The following FOCAD variants were observed in gnomAD, a reference collection of about 807,000 sequenced individuals.
FOCAD encodes the protein KIAA1797.
FOCAD carries 198 observed loss-of-function variants against 225.6 expected under a neutral mutation model. The observed-to-expected ratio is 0.88, with a 90% CI of 0.78 to 0.99. The LOEUF (loss-of-function observed/expected upper bound fraction) is 0.99, where lower values mean the gene tolerates loss of function less well. Ranked by LOEUF, FOCAD falls within the 50% of genes least tolerant of loss-of-function variation. FOCAD has a pLI of 0.00. For synonymous variants in FOCAD, 897 were observed against 755.0 expected, an observed-to-expected ratio of 1.19 and a Z score of -3.08; for missense variants, 2,713 against 2,123.6, an observed-to-expected ratio of 1.28 and a Z score of -5.46.
intron 43 of FOCAD, among the ~76,000 whole-genome samples, chr9:20,994,621 A>G (rs1406179229): frequency 6.6e-6 from 1 of 152,246 alleles, no homozygotes; most frequent in East Asian, 1.9e-4. Flanking sequence ...TAACTCTGAT[A>G]AACCACAGAA....
intron 15 of FOCAD, among the ~76,000 whole-genome samples, chr9:20,835,884 GATTGAGCAATAGA>G (rs1259703755): frequency 6.6e-6 from 1 of 152,040 alleles, no homozygotes; most frequent in Non-Finnish European, 1.5e-5. Flanking sequence ...AGCATTGTAT[GATTGAGCAATAGA>G]TAAGGAGGAG....
intron 23 of FOCAD, among the ~76,000 whole-genome samples, chr9:20,913,740 A>C (rs1274922224): frequency 6.6e-6 from 1 of 152,196 alleles, no homozygotes; most frequent in East Asian, 1.9e-4. Context: ...ATGGCAATGA[A>C]GTTTAAAACA....
intron 4 of FOCAD, among the ~76,000 whole-genome samples, chr9:20,720,747 G>A (rs1422618764): frequency 6.6e-6 from 1 of 152,006 alleles, no homozygotes; most frequent in Non-Finnish European, 1.5e-5. Flanking sequence ...CTTAAGTTTT[G>A]GGGCTCTACT....
intron 5 of FOCAD, among the ~76,000 whole-genome samples, chr9:20,749,845 A>G (rs139341632): frequency 3.6e-4 from 55 of 152,146 alleles, no homozygotes; most frequent in Non-Finnish European, 6.9e-4. Context: ...CCTATCACAG[A>G]CTATTTTTTT....
chr9:20,773,726 G>T (rs1197516554), intron 8 of FOCAD, among the ~76,000 whole-genome samples: 1 of 152,128 alleles, frequency 6.6e-6, no homozygotes, highest in South Asian at 2.1e-4. Flanking sequence ...TCTTTTAAGT[G>T]TCTTTCCAAT....
At chr9:20,747,415 A>T (rs1310798977) in intron 5 of FOCAD, among the ~76,000 whole-genome samples, 6 of 152,208 alleles carry the variant, frequency 3.9e-5, no homozygotes, top group African/African-American at 1.2e-4. Context: ...GTTAAGTCTG[A>T]AATATTTTAA....
At chr9:20,947,877 G>A (rs1344119496) in intron 30 of FOCAD, among the ~76,000 whole-genome samples, 4 of 152,118 alleles carry the variant, frequency 2.6e-5, no homozygotes, top group African/African-American at 9.7e-5. Flanking sequence ...AAATTGAAAT[G>A]TAGAATTTTT....
At chr9:20,697,212 A>T (rs1823448678) in intron 1 of FOCAD, among the ~76,000 whole-genome samples, 1 of 152,210 alleles carries the variant, frequency 6.6e-6, no homozygotes. Context: ...TGTCCAAAGC[A>T]ATATGATTTA....
At chr9:20,888,327 C>T (rs967187185) in intron 21 of FOCAD, among the ~76,000 whole-genome samples, 28 of 151,410 alleles carry the variant, frequency 1.8e-4, no homozygotes, top group Non-Finnish European at 3.2e-4. Flanking sequence ...TTAGTAGAGA[C>T]GGGGTTTCAC....
Position 20,878,595 on chromosome 9 carries a change from T to A in FOCAD, c.2318-3276T>A, listed in dbSNP as rs148239305. 3.4e-3 allele frequency among the ~76,000 whole-genome samples: 511 copies of A among 152,336 alleles called. 2 individuals carry two copies. The highest frequency in any genetic ancestry group is 9.4e-3 in the African/African-American group (391 of 41,576). The stretch of plus-strand genomic sequence containing the variant: ...TTGTAAGGAATATAGTAAGAAGGAA[T>A]TGTATTTGGCTTCTCCAATACCAAA... On this transcript the variant is annotated intron_variant, in intron 19 of 43. Coordinates refer to ENST00000338382, the MANE Select transcript of FOCAD (RefSeq NM_001375567.1).
chr9:20,655,693 G>T (rs1028961780), upstream of FOCAD, among the ~76,000 whole-genome samples: 5 of 152,096 alleles, frequency 3.3e-5, no homozygotes, highest in Admixed American at 6.5e-5. Flanking sequence ...CTTGCTAGCG[G>T]TCTATCAATT....
At chr9:20,988,636 A>T (rs986870903) in intron 41 of FOCAD, among the ~76,000 whole-genome samples, 1 of 152,006 alleles carries the variant, frequency 6.6e-6, no homozygotes, top group African/African-American at 2.4e-5. Context: ...ACACTTAATG[A>T]TTCTCTGATG....
chr9:20,876,559 G>A (rs1830242293), intron 19 of FOCAD, among the ~76,000 whole-genome samples: 1 of 152,120 alleles, frequency 6.6e-6, no homozygotes, highest in Non-Finnish European at 1.5e-5. Flanking sequence ...GCCTTCGACT[G>A]AGAAAGAAGG....
intron 11 of FOCAD, among the ~76,000 whole-genome samples, chr9:20,819,541 T>C (rs1824093658): frequency 6.6e-6 from 1 of 152,114 alleles, no homozygotes; most frequent in African/African-American, 2.4e-5. Flanking sequence ...ACTACTATTG[T>C]ATTTCTCAGA....
At chr9:20,816,106 C>T (rs989491545) in intron 11 of FOCAD, among the ~76,000 whole-genome samples, 16 of 152,046 alleles carry the variant, frequency 1.1e-4, no homozygotes, top group African/African-American at 3.4e-4. Flanking sequence ...CACACCCTTA[C>T]GTGCTTTTTT....
At position 20,861,431 on chromosome 9, in the gene FOCAD, A is replaced by C. The variant is rs191015175; in HGVS notation, c.1921-1147A>C. Among the ~76,000 whole-genome samples the C allele has an allele frequency of 5.9e-5, 9 of 152,310 alleles. 1 individual carries two copies. In the East Asian group the frequency reaches 9.6e-4, roughly 16 times the overall value. On this transcript the variant is annotated intron_variant, in intron 15 of 43. Transcript: ENST00000338382. Reference sequence around the variant, plus strand: ...ATGTGCCTACTGTCATGCCTGGTCTACAATACTGCCCTTAGGAAAGGTTAG... The same window carrying C: ...ATGTGCCTACTGTCATGCCTGGTCTCCAATACTGCCCTTAGGAAAGGTTAG...
At chr9:20,864,662 A>G (rs1035870122) in intron 16 of FOCAD, among the ~76,000 whole-genome samples, 1 of 152,062 alleles carries the variant, frequency 6.6e-6, no homozygotes, top group African/African-American at 2.4e-5. Flanking sequence ...CCATTCAACT[A>G]TAGGCTTATT....
At chr9:20,841,589 C>A (rs1038685331) in intron 15 of FOCAD, among the ~76,000 whole-genome samples, 1 of 151,772 alleles carries the variant, frequency 6.6e-6, no homozygotes, top group Non-Finnish European at 1.5e-5. Flanking sequence ...TGAATTTCTG[C>A]AGTATTAGTT....
intron 1 of FOCAD, 48 bp downstream of exon 1, chr9:20,684,341 GAGC>G (rs1822527618): frequency 6.6e-6 from 1 of 152,508 alleles, no homozygotes; most frequent in East Asian, 1.9e-4. Flanking sequence ...CCCTGCTCGG[GAGC>G]CGCCGGGTCG....
Sources: allele counts gnomAD v4.1 joint callset (sites outside exome capture counted in the v4.1 genomes callset), GRCh38; gene constraint gnomAD v4.1.1; transcripts MANE v1.5; gene names NCBI Gene and HGNC (gene_info 2026-07-23, HGNC 2026-07-21).